The following CDH18 variants were observed in gnomAD, a reference collection of about 807,000 sequenced individuals.
The protein encoded by CDH18 is cadherin-18.
In CDH18, 31 loss-of-function variants were observed where a neutral mutation model predicts 67.9. That is an observed-to-expected ratio of 0.46 (90% confidence interval 0.34 to 0.62). The LOEUF is 0.62. Ranked by LOEUF, CDH18 falls within the 20% of genes least tolerant of loss-of-function variation. The pLI is 0.01. For synonymous variants in CDH18, 362 were observed against 347.2 expected, an observed-to-expected ratio of 1.04 and a Z score of -0.48; for missense variants, 890 against 975.5, an observed-to-expected ratio of 0.91 and a Z score of 1.17.
At chr5:20,504,541 G>C (rs1445679790) in intron 1 of CDH18, among the ~76,000 whole-genome samples, 1 of 151,958 alleles carries the variant, frequency 6.6e-6, no homozygotes, top group Non-Finnish European at 1.5e-5. Context: ...TTACAATCTA[G>C]AAATATAGAA....
intron 3 of CDH18, among the ~76,000 whole-genome samples, chr5:19,779,531 T>G (rs900259084): frequency 1.3e-5 from 2 of 152,176 alleles, no homozygotes; most frequent in African/African-American, 4.8e-5. Flanking sequence ...CTTCCATGTT[T>G]GGATGTAGGA....
At chr5:19,996,842 T>A (rs1327210213) in intron 2 of CDH18, among the ~76,000 whole-genome samples, 1 of 152,000 alleles carries the variant, frequency 6.6e-6, no homozygotes, top group Non-Finnish European at 1.5e-5. Flanking sequence ...TCTTACACAT[T>A]ACCAAAACAA....
At chr5:19,756,766 G>T (rs1771660211) in intron 3 of CDH18, among the ~76,000 whole-genome samples, 2 of 152,186 alleles carry the variant, frequency 1.3e-5, no homozygotes, top group Non-Finnish European at 2.9e-5. Context: ...CTGGAACTAA[G>T]GCCTCTAGGC....
chr5:19,540,334 A>C (rs1445734920), intron 9 of CDH18, among the ~76,000 whole-genome samples: 1 of 152,126 alleles, frequency 6.6e-6, no homozygotes, highest in East Asian at 1.9e-4. Flanking sequence ...AGTTGCTTTC[A>C]GGGCTGGCAT....
At chr5:19,697,894 CA>C in intron 5 of CDH18, among the ~76,000 whole-genome samples, 1 of 152,158 alleles carries the variant, frequency 6.6e-6, no homozygotes, top group East Asian at 1.9e-4. Context: ...TTCAGATGAA[CA>C]TGGGCTTTGT....
intron 1 of CDH18, among the ~76,000 whole-genome samples, chr5:20,363,788 T>A (rs1742297764): frequency 6.6e-6 from 1 of 152,002 alleles, no homozygotes; most frequent in East Asian, 1.9e-4. Context: ...CATTCATTGC[T>A]CTGTGTGGCC....
At chr5:20,203,222 T>C (rs377247923) in intron 2 of CDH18, among the ~76,000 whole-genome samples, 1 of 152,158 alleles carries the variant, frequency 6.6e-6, no homozygotes, top group South Asian at 2.1e-4. Flanking sequence ...CCTATCCATG[T>C]TTCAATTCGT....
chr5:20,114,626 A>C (rs1052633420), intron 2 of CDH18, among the ~76,000 whole-genome samples: 1 of 152,202 alleles, frequency 6.6e-6, no homozygotes, highest in Non-Finnish European at 1.5e-5. Flanking sequence ...TCATTTTAAT[A>C]GGTGAAATAT....
At chr5:20,443,935 AG>A (rs1476736233) in intron 1 of CDH18, among the ~76,000 whole-genome samples, 5 of 151,956 alleles carry the variant, frequency 3.3e-5, no homozygotes, top group Non-Finnish European at 7.3e-5. Flanking sequence ...CTTTTTTACA[AG>A]GTAAAAATAT....
At chr5:20,400,654 C>A (rs541731701) in intron 1 of CDH18, among the ~76,000 whole-genome samples, 1 of 151,192 alleles carries the variant, frequency 6.6e-6, no homozygotes, top group Non-Finnish European at 1.5e-5. Flanking sequence ...CCCAGCTGCT[C>A]AGGAGGCTGA....
chr5:19,993,482 T>C (rs1037954139), intron 2 of CDH18, among the ~76,000 whole-genome samples: 1 of 152,124 alleles, frequency 6.6e-6, no homozygotes, highest in African/African-American at 2.4e-5. Context: ...TTTTAATTAA[T>C]GTATATTTTT....
At chr5:19,587,328 A>G (rs1472372573) in intron 7 of CDH18, among the ~76,000 whole-genome samples, 1 of 152,090 alleles carries the variant, frequency 6.6e-6, no homozygotes, top group Non-Finnish European at 1.5e-5. Flanking sequence ...CTTTTGTTGC[A>G]ATTGCTTTAG....
chr5:19,792,784 A>T (rs983656149), intron 3 of CDH18, among the ~76,000 whole-genome samples: 6 of 152,168 alleles, frequency 3.9e-5, no homozygotes, highest in African/African-American at 1.4e-4. Context: ...TATAAATAAC[A>T]TACAAAAAAA....
chr5:19,665,493 G>T (rs535721965), intron 5 of CDH18, among the ~76,000 whole-genome samples: 2 of 151,960 alleles, frequency 1.3e-5, no homozygotes, highest in Non-Finnish European at 2.9e-5. Flanking sequence ...AATTTCATTC[G>T]TGTTGGTTAG....
chr5:19,593,710 T>C (rs10041168), intron 6 of CDH18, among the ~76,000 whole-genome samples: 163 of 8,634 alleles, frequency 0.019, 8 homozygotes, highest in East Asian at 0.11. Context: ...TCCTCCTCCT[T>C]CTTCTTCTTC....
At chr5:19,978,309 A>T (rs914561742) in intron 2 of CDH18, among the ~76,000 whole-genome samples, 5 of 152,126 alleles carry the variant, frequency 3.3e-5, no homozygotes, top group African/African-American at 1.2e-4. Context: ...CCTTCAGGAA[A>T]CTAACCTTTG....
At chr5:20,474,886 G>A (rs995347867) in intron 1 of CDH18, among the ~76,000 whole-genome samples, 4 of 152,190 alleles carry the variant, frequency 2.6e-5, no homozygotes, top group Admixed American at 6.5e-5. Context: ...ATACAGAGGT[G>A]CGTTTCTTGG....
At chr5:19,990,782 A>AAAG (rs368901759), upstream of CDH18, among the ~76,000 whole-genome samples, 304 of 147,560 alleles carry the variant, frequency 2.1e-3, 1 homozygote, top group African/African-American at 4.8e-3. Context: ...ACACAAAAGA[A>AAAG]AAGAAGAAGA....
At chr5:19,532,740 G>A (rs1161391584) in intron 9 of CDH18, among the ~76,000 whole-genome samples, 1 of 152,188 alleles carries the variant, frequency 6.6e-6, no homozygotes, top group African/African-American at 2.4e-5. Flanking sequence ...AACTGCGGTG[G>A]AAGTGAGATA....
Sources: allele counts gnomAD v4.1 joint callset (sites outside exome capture counted in the v4.1 genomes callset), GRCh38; gene constraint gnomAD v4.1.1; transcripts MANE v1.5; gene names NCBI Gene and HGNC (gene_info 2026-07-23, HGNC 2026-07-21).